AR: variants seen among roughly 807,000 people sequenced by gnomAD.
The protein encoded by AR is dihydrotestosterone receptor.
Under a neutral mutation model 53.9 loss-of-function variants are expected in AR, and 8 were observed. That is an observed-to-expected ratio of 0.15 (90% confidence interval 0.09 to 0.27). The LOEUF is 0.27. Ranked by LOEUF, AR falls within the 10% of genes least tolerant of loss-of-function variation. The pLI, the probability that AR is intolerant of heterozygous loss-of-function variation, is 1.00. For synonymous variants in AR, 359 were observed against 316.4 expected, an observed-to-expected ratio of 1.13 and a Z score of -1.43; for missense variants, 639 against 742.5, an observed-to-expected ratio of 0.86 and a Z score of 1.62.
intron 5 of AR, among the ~76,000 whole-genome samples, chrX:67,718,830 C>T (rs985456762): frequency 9.0e-5 from 10 of 111,589 alleles, no homozygotes; most frequent in Admixed American, 7.6e-4. Flanking sequence ...GACGGGATTT[C>T]ACCATGTTAG....
intron 2 of AR, among the ~76,000 whole-genome samples, chrX:67,664,852 G>A (rs192342235): frequency 1.8e-5 from 2 of 112,703 alleles, no homozygotes; most frequent in Admixed American, 9.3e-5. Context: ...CTGCCTTGCA[G>A]TTTGGTCTCA....
At chrX:67,576,610 C>A (rs745820482) in intron 1 of AR, among the ~76,000 whole-genome samples, 3 of 111,213 alleles carry the variant, frequency 2.7e-5, no homozygotes, top group Non-Finnish European at 5.7e-5. Flanking sequence ...CACTTATCCA[C>A]GTTTGGATAC....
chrX:67,654,042 A>G lies in AR; in HGVS notation c.1768+10635A>G, dbSNP rs375804470. Among the ~76,000 whole-genome samples, 18 of 112,192 alleles carry G rather than the reference A, an allele frequency of 1.6e-4. 1 individual carries two copies. Among genetic ancestry groups the G allele is most frequent in the Admixed American group, 1.4e-3 (15 of 10,559 alleles). On this transcript the variant is annotated intron_variant, in intron 2 of 7. Transcript: ENST00000374690. ...GATAATCCAGATGCATCCATTGGCC[A>G]ATGGTTCACTTTGTATGCATAATAT...
chrX:67,711,324 A>T, intron 3 of AR, 78 bp from the exon 4 acceptor site: 1 of 1,061,263 alleles, frequency 9.4e-7, no homozygotes, highest in South Asian at 2.0e-5. Flanking sequence ...TAGCTAGGGC[A>T]GTTTTTCTAA....
chrX:67,630,232 G>T (rs1262427711), intron 1 of AR, among the ~76,000 whole-genome samples: 1 of 111,119 alleles, frequency 9.0e-6, no homozygotes, highest in Admixed American at 9.5e-5. Flanking sequence ...AATGTTGACA[G>T]TGGGGTGTTA....
At chrX:67,695,834 CAT>C (rs1456103822) in intron 3 of AR, 2 of 748,197 alleles carry the variant, frequency 2.7e-6, no homozygotes, top group Non-Finnish European at 3.1e-6. Flanking sequence ...CACACACACA[CAT>C]ACACACACAC....
chrX:67,561,896 G>A (rs1296994134), intron 1 of AR, among the ~76,000 whole-genome samples: 9 of 104,706 alleles, frequency 8.6e-5, no homozygotes, highest in Non-Finnish European at 1.8e-4. Context: ...CAAAAGCAAT[G>A]AGGACAGATT....
At chrX:67,709,340 C>T (rs11094028) in intron 3 of AR, among the ~76,000 whole-genome samples, 3,524 of 112,117 alleles carry the variant, frequency 0.031, 61 homozygotes, top group Non-Finnish European at 0.05. Flanking sequence ...TCAGCAATGG[C>T]GGGTGCCCCT....
chrX:67,648,335 G>A (rs764526758), intron 2 of AR, among the ~76,000 whole-genome samples: 1 of 111,505 alleles, frequency 9.0e-6, no homozygotes, highest in African/African-American at 3.3e-5. Context: ...TAAATTTGTG[G>A]ATAACTATGA....
At chrX:67,562,388 GTGTGTGTA>G (rs1180511601) in intron 1 of AR, among the ~76,000 whole-genome samples, 2 of 109,315 alleles carry the variant, frequency 1.8e-5, no homozygotes, top group Non-Finnish European at 3.8e-5. Context: ...GTGTGTGTGT[GTGTGTGTA>G]TGTGTGTGTG....
At chrX:67,652,371 T>G (rs1455216527) in intron 2 of AR, among the ~76,000 whole-genome samples, 2 of 111,728 alleles carry the variant, frequency 1.8e-5, no homozygotes, top group Non-Finnish European at 3.8e-5. Flanking sequence ...TACAGGATGG[T>G]TGATTTGGTC....
intron 3 of AR, among the ~76,000 whole-genome samples, chrX:67,693,126 T>C (rs1031991337): frequency 8.9e-6 from 1 of 112,815 alleles, no homozygotes; most frequent in African/African-American, 3.2e-5. Flanking sequence ...GCGAAGTAAA[T>C]TTTTCTAATC....
At chrX:67,589,269 C>CAAAAAAAA (rs773313820) in intron 1 of AR, among the ~76,000 whole-genome samples, 2 of 41,149 alleles carry the variant, frequency 4.9e-5, no homozygotes, top group African/African-American at 1.8e-4. Context: ...GACTCCGTCT[C>CAAAAAAAA]AAAAAAAAAA....
chrX:67,654,478 C>T (rs1926495741), intron 2 of AR, among the ~76,000 whole-genome samples: 1 of 110,516 alleles, frequency 9.0e-6, no homozygotes, highest in Non-Finnish European at 1.9e-5. Context: ...CCTCCCAGTA[C>T]ACTGTGAGTA....
At chrX:67,660,757 A>G (rs867012621) in intron 2 of AR, among the ~76,000 whole-genome samples, 1 of 111,926 alleles carries the variant, frequency 8.9e-6, no homozygotes, top group African/African-American at 3.3e-5. Flanking sequence ...GAAGAAAGTC[A>G]TGGGTAGCTT....
intron 3 of AR, among the ~76,000 whole-genome samples, chrX:67,686,776 G>A (rs1162833217): frequency 9.0e-6 from 1 of 111,002 alleles, no homozygotes; most frequent in Non-Finnish European, 1.9e-5. Context: ...GCACAGTAAC[G>A]TGATAGATGG....
Position 67,579,185 on chromosome X carries a change from G to T in AR, c.1616+32423G>T, listed in dbSNP as rs962652533. On this transcript the variant is annotated intron_variant, in intron 1 of 7. Transcript: ENST00000374690. The stretch of plus-strand genomic sequence containing the variant: ...TTTCTCCTTCATTATATCAGGCATA[G>T]TAGCAACGTATTCTTTTACTAGCTT... 3.6e-5 allele frequency among the ~76,000 whole-genome samples: 4 copies of T among 111,879 alleles called. No individual in the cohort carries two copies. In the Admixed American group the frequency reaches 3.8e-4, roughly 11 times the overall value.
rs780838814 is a variant in AR at position 67,723,691 on chromosome X, G to A, written c.2613G>A (p.Ala871=). 8 of 1,210,610 alleles carry A rather than the reference G, an allele frequency of 6.6e-6. No homozygotes were observed. The highest frequency in any genetic ancestry group is 2.3e-4 in the Middle Eastern group (1 of 4,292). The change falls in exon 8 of 8, where the codon GCG becomes GCA. Residue 871 remains alanine, a synonymous_variant. Transcript: ENST00000374690. ...TKLLDSVQPI[A]RELHQFTFDL... is the part of the protein sequence containing the mutation. ...CCTCTTATTGTTCCCTACAGATTGC[G>A]AGAGAGCTGCATCAGTTCACTTTTG...
At chrX:67,569,152 A>G in intron 1 of AR, 1 of 534,899 alleles carries the variant, frequency 1.9e-6, no homozygotes, top group Admixed American at 3.3e-5. Context: ...GCTTGCTTGA[A>G]TATCTTAGCA....
Sources: gnomAD v4.1 joint callset for allele counts (sites outside exome capture counted in the v4.1 genomes callset) on GRCh38, gnomAD v4.1.1 for gene constraint, MANE v1.5 for transcripts, NCBI Gene and HGNC (gene_info 2026-07-23, HGNC 2026-07-21) for gene names.